NAT10: variants seen among roughly 807,000 people sequenced by gnomAD.
The protein encoded by NAT10 is N-acetyltransferase 10.
NAT10 carries 109 observed loss-of-function variants against 132.2 expected under a neutral mutation model. The observed-to-expected ratio is 0.82, with a 90% CI of 0.71 to 0.97. NAT10 has a LOEUF of 0.97. Ranked by LOEUF, NAT10 falls within the 50% of genes least tolerant of loss-of-function variation. The probability of loss-of-function intolerance (pLI) is 0.00; values close to 1 mark genes in which losing one functional copy is unlikely to be tolerated. For synonymous variants in NAT10, 479 were observed against 478.0 expected (o/e 1.00, Z -0.03); for missense variants, 1,184 against 1,263.4 (o/e 0.94, Z 0.95).
intron 2 of NAT10, 117 bp from the exon 3 acceptor site, chr11:34,108,625 G>C: frequency 1.0e-6 from 1 of 954,808 alleles, no homozygotes; most frequent in Non-Finnish European, 1.6e-6. Flanking sequence ...AGAACCTTGG[G>C]CACTTCCCTT....
At chr11:34,126,607 C>T (rs180791434) in intron 11 of NAT10, among the ~76,000 whole-genome samples, 1 of 152,322 alleles carries the variant, frequency 6.6e-6, no homozygotes, top group South Asian at 2.1e-4. Flanking sequence ...TGCCAGCATT[C>T]ATTTGAGTTT....
chr11:34,126,786 T>C (rs901267089), intron 11 of NAT10, among the ~76,000 whole-genome samples: 2 of 152,270 alleles, frequency 1.3e-5, no homozygotes, highest in Non-Finnish European at 2.9e-5. Context: ...TCTTCATTGC[T>C]TTTCAAACCA....
At chr11:34,111,996 C>T in intron 3 of NAT10, 56 bp from the exon 4 acceptor site, 1 of 1,598,270 alleles carries the variant, frequency 6.3e-7, no homozygotes, top group East Asian at 2.2e-5. Flanking sequence ...CTGGTTCCAG[C>T]TCTTTAGCTG....
chr11:34,114,028 C>T (rs1851744243), intron 5 of NAT10, among the ~76,000 whole-genome samples, 190 bp downstream of exon 5: 1 of 152,130 alleles, frequency 6.6e-6, no homozygotes, highest in Non-Finnish European at 1.5e-5. Flanking sequence ...ATGAGTATGC[C>T]TAGGAATCTC....
At chr11:34,143,035 G>A (rs1411169964) in intron 27 of NAT10, among the ~76,000 whole-genome samples, 2 of 152,220 alleles carry the variant, frequency 1.3e-5, no homozygotes, top group African/African-American at 4.8e-5. Flanking sequence ...AGAGAAGGGA[G>A]GGAGGGGAGA....
At chr11:34,115,972 A>T (rs934588586) in intron 6 of NAT10, 88 bp downstream of exon 6, 2 of 1,322,958 alleles carry the variant, frequency 1.5e-6, no homozygotes, top group African/African-American at 2.9e-5. Flanking sequence ...TTGCTTTTAT[A>T]TTGGGGAAAG....
At chr11:34,136,474 T>A (rs1322631967) in intron 19 of NAT10, among the ~76,000 whole-genome samples, 168 bp from the exon 20 acceptor site, 1 of 152,218 alleles carries the variant, frequency 6.6e-6, no homozygotes, top group Non-Finnish European at 1.5e-5. Context: ...GTTTTGAGAA[T>A]GATTGCTTGA....
chr11:34,116,847 A>G (rs1478000526), intron 6 of NAT10, among the ~76,000 whole-genome samples: 2 of 151,956 alleles, frequency 1.3e-5, no homozygotes, highest in Non-Finnish European at 1.5e-5. Flanking sequence ...TGCCCCACTC[A>G]GTCTCCCAAA....
In NAT10 at chr11:34,105,660, A is replaced by G. The variant is rs1430440995; in HGVS notation, c.-148A>G. The G allele has an allele frequency of 6.6e-6, 1 of 152,350 alleles. No homozygotes were observed. Among genetic ancestry groups the G allele is most frequent in the Non-Finnish European group, 1.5e-5 (1 of 68,110 alleles). 9.4% of individuals were successfully genotyped at this position (152,350 alleles called of 1,614,324 possible). A position where few individuals can be genotyped will look rare whatever the true frequency, so the allele number is the denominator to read the frequency against. On this transcript the variant is annotated 5_prime_UTR_variant, in exon 1 of 29. Transcript: ENST00000257829. ...TGAGAGGGACGCGTGCCGCGGAGCC[A>G]GGCTTACTACGTGACCCGGACACCA...
intron 3 of NAT10, among the ~76,000 whole-genome samples, chr11:34,109,530 A>G (rs1404448294): frequency 6.6e-6 from 1 of 152,198 alleles, no homozygotes; most frequent in African/African-American, 2.4e-5. Flanking sequence ...CTAATGCGTC[A>G]ACTTTTCTCT....
intron 8 of NAT10, among the ~76,000 whole-genome samples, chr11:34,122,140 C>T (rs535777804): frequency 1.3e-5 from 2 of 152,242 alleles, no homozygotes; most frequent in South Asian, 2.1e-4. Flanking sequence ...CGCACCATTG[C>T]ACTCCAGCCT....
At chr11:34,122,653 G>T (rs1041498133) in intron 9 of NAT10, 61 bp downstream of exon 9, 1 of 1,592,140 alleles carries the variant, frequency 6.3e-7, no homozygotes, top group Non-Finnish European at 8.6e-7. Context: ...AGTGTGCAGG[G>T]TTGGGGTCAG....
Position 34,115,904 on chromosome 11 carries a change from C to G in NAT10, c.557+20C>G. The stretch of plus-strand genomic sequence containing the variant: ...TGAAAGGTAATTCTATAGTTCCCCC[C>G]AATTGTGGGGCAGCCACATTGGGAG... On this transcript the variant is annotated intron_variant, in intron 6 of 28. Transcript: ENST00000257829. 5 of 1,612,672 alleles carry G rather than the reference C, an allele frequency of 3.1e-6. No individual in the cohort carries two copies. The highest frequency in any genetic ancestry group is 1.1e-5 in the South Asian group (1 of 90,800).
rs780024212 is a variant in NAT10, at chr11:34,133,077, T to C, written c.1669T>C (p.Phe557Leu). The C allele has an allele frequency of 9.9e-6, 16 of 1,614,058 alleles. 1 individual carries two copies. In the African/African-American group the frequency reaches 2.0e-4, roughly 20 times the overall value. The change falls in exon 16 of 29, where the codon TTC (phenylalanine) becomes CTC (leucine). Residue 557 changes from phenylalanine (F) to leucine (L), a missense_variant. By Grantham distance (22) the Phe-to-Leu change is conservative. Transcript: ENST00000257829. ...CTCCGATGCACCTGCTCACCATCTCTTCTGCCTTCTGCCTCCCGTGCCCCC... is the reference window on the plus strand; with the variant it reads ...CTCCGATGCACCTGCTCACCATCTCCTCTGCCTTCTGCCTCCCGTGCCCCC... ...MLSDAPAHHL[F>L]CLLPPVPPTQ...
chr11:34,122,311 C>T, intron 8 of NAT10, 148 bp from the exon 9 acceptor site: 1 of 939,442 alleles, frequency 1.1e-6, no homozygotes, highest in Non-Finnish European at 1.6e-6. Context: ...GTGAGAAGTC[C>T]AGGTGCTGAG....
intron 15 of NAT10, among the ~76,000 whole-genome samples, 186 bp downstream of exon 15, chr11:34,132,407 A>G (rs887709315): frequency 1.3e-5 from 2 of 152,218 alleles, no homozygotes; most frequent in African/African-American, 4.8e-5. Context: ...GTAACGGGAC[A>G]GGGTGGAAAG....
intron 21 of NAT10, 97 bp from the exon 22 acceptor site, chr11:34,139,094 A>G: frequency 8.6e-7 from 1 of 1,159,690 alleles, no homozygotes; most frequent in South Asian, 1.3e-5. Context: ...CTGCGGAAGC[A>G]CTAAGCCTTT....
chr11:34,130,719 G>T lies in NAT10; in HGVS notation c.1245-94G>T, dbSNP rs1309677870. 3.4e-6 allele frequency: 5 copies of T among 1,462,936 alleles called. No homozygotes were observed. The East Asian group carries it at 1.2e-4, about 34-fold the overall frequency. 90.6% of individuals were successfully genotyped at this position (1,462,936 alleles called of 1,614,324 possible). On this transcript the variant is annotated intron_variant, in intron 12 of 28. Transcript: ENST00000257829. ...GCTGTCCTGGGGGAAGCAGGGGTCT[G>T]GTGTTTCAGCAGGTGGAGGAAAGCA... is the stretch of plus-strand genomic sequence containing the variant.
At chr11:34,130,193 C>A (rs1852080082) in intron 12 of NAT10, among the ~76,000 whole-genome samples, 1 of 152,132 alleles carries the variant, frequency 6.6e-6, no homozygotes, top group Admixed American at 6.5e-5. Flanking sequence ...GAAGAAAACT[C>A]AACAATGAAA....
Sources: allele counts gnomAD v4.1 joint callset (sites outside exome capture counted in the v4.1 genomes callset), GRCh38; gene constraint gnomAD v4.1.1; transcripts MANE v1.5; gene names NCBI Gene and HGNC (gene_info 2026-07-23, HGNC 2026-07-21).